GPC4: variants seen among roughly 807,000 people sequenced by gnomAD.
The protein encoded by GPC4 is glypican-4.
A neutral mutation model predicts 35.0 loss-of-function variants in GPC4; 10 were observed. The observed-to-expected ratio is 0.29, with a 90% confidence interval of 0.18 to 0.48. GPC4 has a LOEUF of 0.48. Ranked by LOEUF, GPC4 falls within the 20% of genes least tolerant of loss-of-function variation. GPC4 has a pLI of 0.99. For missense variants in GPC4, 322 were observed against 451.3 expected (o/e 0.71, Z 2.60); for synonymous variants, 167 against 170.2 (o/e 0.98, Z 0.15).
chrX:133,348,029 A>C (rs2124141075), intron 1 of GPC4, among the ~76,000 whole-genome samples: 1 of 112,368 alleles, frequency 8.9e-6, no homozygotes, highest in African/African-American at 3.2e-5. Flanking sequence ...CAGTTTTATT[A>C]TATTTTTCTA....
At chrX:133,381,816 A>G (rs1215391285) in intron 1 of GPC4, among the ~76,000 whole-genome samples, 4 of 112,049 alleles carry the variant, frequency 3.6e-5, no homozygotes, top group Non-Finnish European at 5.6e-5. Context: ...TTGGCATAGC[A>G]TGGTGATTTT....
chrX:133,324,575 A>C, intron 2 of GPC4, 39 bp from the exon 3 acceptor site: 1 of 1,066,941 alleles, frequency 9.4e-7, no homozygotes, highest in Non-Finnish European at 1.2e-6. Context: ...AAAAAGGAAA[A>C]ACGAGAGTTT....
chrX:133,305,705 A>T, intron 6 of GPC4, 67 bp downstream of exon 6: 1 of 1,173,910 alleles, frequency 8.5e-7, no homozygotes, highest in Non-Finnish European at 1.1e-6. Flanking sequence ...CCAGCTAAAA[A>T]TTCATTTTGA....
intron 1 of GPC4, among the ~76,000 whole-genome samples, chrX:133,360,123 T>C (rs1274954239): frequency 1.8e-5 from 2 of 110,978 alleles, no homozygotes; most frequent in Non-Finnish European, 1.9e-5. Flanking sequence ...AAGTAGAATA[T>C]ATGAATAAAG....
intron 1 of GPC4, among the ~76,000 whole-genome samples, chrX:133,370,560 T>C (rs2068608344): frequency 9.0e-6 from 1 of 111,554 alleles, no homozygotes; most frequent in Non-Finnish European, 1.9e-5. Flanking sequence ...ACCTTCACTG[T>C]TCCAATGGAA....
At chrX:133,309,575 T>C (rs1038665124) in intron 4 of GPC4, among the ~76,000 whole-genome samples, 3 of 112,948 alleles carry the variant, frequency 2.7e-5, no homozygotes, top group African/African-American at 9.6e-5. Context: ...CCATTCCCAA[T>C]GTGTCTGTAG....
Position 133,303,069 on chromosome X carries a change from C to G in GPC4, c.1469G>C (p.Ser490Thr). 8.3e-7 allele frequency: 1 copy of G among 1,210,102 alleles called. No homozygotes were observed. Among genetic ancestry groups the G allele is most frequent in the Non-Finnish European group, 1.1e-6 (1 of 894,650 alleles). Residue 490 changes from serine to threonine, a missense_variant and splice_region_variant, in exon 9 of 9, where the codon AGT becomes ACT. Ser to Thr is a moderately conservative substitution (Grantham distance 58). Around this residue, in one of 3 missense-constraint regions of GPC4, gnomAD observed 99 missense variants for 110.0 expected, o/e 0.90. Coordinates refer to ENST00000370828, the MANE Select transcript of GPC4 (RefSeq NM_001448.3). ...ACTTCCTTCTCCACTACTTTCATCA[C>G]CTAGTTTAAAAAAAAATGGAATAGA... ...NGNDVDFFDISDESSGEGSGS... is the reference protein window; with the variant it reads ...NGNDVDFFDITDESSGEGSGS...
intron 1 of GPC4, among the ~76,000 whole-genome samples, chrX:133,394,765 C>A (rs1358315684): frequency 9.0e-6 from 1 of 111,667 alleles, no homozygotes; most frequent in Non-Finnish European, 1.9e-5. Context: ...GAGTTTGATT[C>A]TTTAGTCTAA....
At chrX:133,347,251 T>TG (rs2068496232) in intron 1 of GPC4, among the ~76,000 whole-genome samples, 1 of 73,473 alleles carries the variant, frequency 1.4e-5, no homozygotes, top group Non-Finnish European at 2.5e-5. Context: ...ATTAGAAGTT[T>TG]TTTTTTTTTT....
intron 1 of GPC4, among the ~76,000 whole-genome samples, chrX:133,411,544 G>A (rs902605244): frequency 1.8e-5 from 2 of 110,870 alleles, no homozygotes; most frequent in African/African-American, 6.6e-5. Flanking sequence ...GAAATGCCTG[G>A]GCACTCCCTT....
At chrX:133,365,725 A>T (rs1434309778) in intron 1 of GPC4, among the ~76,000 whole-genome samples, 1 of 112,653 alleles carries the variant, frequency 8.9e-6, no homozygotes, top group African/African-American at 3.2e-5. Context: ...TATAAAAGTT[A>T]GAATGCATTT....
At chrX:133,414,734 G>T (rs960392064) in intron 1 of GPC4, 72 bp downstream of exon 1, 183 of 1,155,340 alleles carry the variant, frequency 1.6e-4, no homozygotes, top group Non-Finnish European at 2.1e-4. Context: ...CGGCGGGGCG[G>T]GGGAAGGGAG....
chrX:133,354,572 T>TTTATTTA (rs1235509852), intron 1 of GPC4, among the ~76,000 whole-genome samples: 35 of 94,579 alleles, frequency 3.7e-4, no homozygotes, highest in African/African-American at 7.9e-4. Context: ...TTATTTATTT[T>TTTATTTA]TTTTTTTGAG....
chrX:133,411,549 TC>T (rs2068813215), intron 1 of GPC4, among the ~76,000 whole-genome samples: 1 of 111,462 alleles, frequency 9.0e-6, no homozygotes, highest in African/African-American at 3.3e-5. Flanking sequence ...GCCTGGGCAC[TC>T]CCTTCTCGTC....
chrX:133,324,511 A>G lies in GPC4; in HGVS notation c.345T>C (p.Asn115=). ...ACATATCATTCAGGGATTTCTCTGC[A>G]TTTTCAAGTAGTTCTTTGAAGAATT... ...FDEFFKELLE[N]AEKSLNDMFV... Residue 115 remains asparagine, a synonymous_variant, in exon 3 of 9, where the codon AAT becomes AAC. Transcript: ENST00000370828. 1 of 1,084,815 alleles carries G rather than the reference A, an allele frequency of 9.2e-7. No homozygotes were observed. 89.4% of individuals were successfully genotyped at this position (1,084,815 alleles called of 1,213,427 possible). A position where few individuals can be genotyped will look rare whatever the true frequency, so the allele number is the denominator to read the frequency against.
chrX:133,319,466 A>G (rs2068354406), intron 3 of GPC4, among the ~76,000 whole-genome samples: 1 of 105,972 alleles, frequency 9.4e-6, no homozygotes, highest in Admixed American at 1.0e-4. Flanking sequence ...AAAAAAAAAA[A>G]AAAAAGAAAG....
At chrX:133,338,457 TAA>T (rs1333233144) in intron 2 of GPC4, among the ~76,000 whole-genome samples, 1 of 112,183 alleles carries the variant, frequency 8.9e-6, no homozygotes, top group Non-Finnish European at 1.9e-5. Context: ...TTCTATTTTT[TAA>T]AGTCTGTTAT....
At chrX:133,359,964 T>A (rs1235959533) in intron 1 of GPC4, among the ~76,000 whole-genome samples, 1 of 110,592 alleles carries the variant, frequency 9.0e-6, no homozygotes, top group Admixed American at 9.7e-5. Flanking sequence ...CTAATTTCCA[T>A]AATCAAGCAG....
chrX:133,404,869 G>T (rs867913409), intron 1 of GPC4, among the ~76,000 whole-genome samples: 1 of 63,476 alleles, frequency 1.6e-5, no homozygotes, highest in East Asian at 5.7e-4. Context: ...AAAAAAAAAA[G>T]GTGCAGAGGA....
Sources: gnomAD v4.1 joint callset for allele counts (sites outside exome capture counted in the v4.1 genomes callset) on GRCh38, gnomAD v4.1.1 for gene constraint, gnomAD v4.1.1 regional missense constraint, MANE v1.5 for transcripts, NCBI Gene and HGNC (gene_info 2026-07-23, HGNC 2026-07-21) for gene names.